Variants in TRIM45 observed in about 807,000 individuals in gnomAD.
The protein encoded by TRIM45 is tripartite motif containing 45.
A neutral mutation model predicts 46.7 loss-of-function variants in TRIM45; 45 were observed. The observed-to-expected ratio is 0.96, with a 90% CI of 0.76 to 1.24. The LOEUF is 1.24. TRIM45 is among the 50% of genes most tolerant of loss of function. The pLI, the probability that TRIM45 is intolerant of heterozygous loss-of-function variation, is 0.00. For synonymous variants in TRIM45, 259 were observed against 285.8 expected, an observed-to-expected ratio of 0.91 and a Z score of 0.94; for missense variants, 680 against 728.4, an observed-to-expected ratio of 0.93 and a Z score of 0.77.
At position 117,112,457 on chromosome 1, in the gene TRIM45, C is replaced by T. The variant is rs1650254948; in HGVS notation, c.1595-4G>A. On this transcript the variant is annotated splice_region_variant and splice_polypyrimidine_tract_variant and intron_variant, in intron 5 of 5. Coordinates refer to ENST00000256649, the MANE Select transcript of TRIM45 (RefSeq NM_025188.4). ...TGGCCACAGCCTAGGTACCCACCTACATGGGACAAAGAGGAAAGGACAAAA... is the reference window on the plus strand; with the variant it reads ...TGGCCACAGCCTAGGTACCCACCTATATGGGACAAAGAGGAAAGGACAAAA... 1 of 1,607,066 alleles carries T rather than the reference C, an allele frequency of 6.2e-7. No individual in the cohort carries two copies. Among genetic ancestry groups the T allele is most frequent in the Non-Finnish European group, 8.5e-7 (1 of 1,177,214 alleles).
intron 1 of TRIM45, among the ~76,000 whole-genome samples, chr1:117,119,471 G>A (rs1329435984): frequency 6.6e-6 from 1 of 152,226 alleles, no homozygotes; most frequent in Non-Finnish European, 1.5e-5. Context: ...GCCAGGCGTG[G>A]TGGCATGTGC....
Position 117,118,259 on chromosome 1 carries a change from G to A in TRIM45, c.997C>T (p.His333Tyr). The A allele has an allele frequency of 1.2e-6, 2 of 1,614,160 alleles. No individual in the cohort carries two copies. Among genetic ancestry groups the A allele is most frequent in the Non-Finnish European group, 1.7e-6 (2 of 1,180,022 alleles). The change falls in exon 2 of 6, where the codon CAC becomes TAC. Residue 333 changes from histidine to tyrosine, a missense_variant. Coordinates refer to ENST00000256649, the MANE Select transcript of TRIM45 (RefSeq NM_025188.4). The surrounding 1 kb of genome is among the most constrained non-coding windows in gnomAD (Gnocchi z 5.7). ...DMRTGVEFTE[H>Y]LLTSGSDLEI... ...AAGTCTGAGCCGCTGGTCAGCAAGT[G>A]CTCGGTGAACTCCACTCCAGTCCGC...
chr1:117,114,515 G>A (rs374394376), intron 4 of TRIM45, among the ~76,000 whole-genome samples: 56 of 152,182 alleles, frequency 3.7e-4, no homozygotes, highest in African/African-American at 1.3e-3. Context: ...GAGCCACATT[G>A]TTTGCGAAAA....
intron 4 of TRIM45, among the ~76,000 whole-genome samples, chr1:117,114,934 G>A (rs1170317985): frequency 2.0e-5 from 3 of 152,146 alleles, no homozygotes; most frequent in African/African-American, 7.2e-5. Flanking sequence ...AATGTCAGCA[G>A]AGAGATTCTG....
upstream of TRIM45, chr1:117,122,037 C>T (rs746502020): frequency 1.9e-5 from 10 of 528,916 alleles, no homozygotes; most frequent in Non-Finnish European, 2.7e-5. Context: ...AGGGACTGTC[C>T]CTCTCTCTGT....
chr1:117,122,285 C>G (rs1183780932), upstream of TRIM45: 1 of 156,542 alleles, frequency 6.4e-6, no homozygotes, highest in Non-Finnish European at 1.4e-5. Context: ...GCGAGGCTCC[C>G]CTCTGTCCTC....
At chr1:117,123,241 AAAATCGGCATTCGCCTCT>A (rs1650731166), upstream of TRIM45, among the ~76,000 whole-genome samples, 2 of 152,176 alleles carry the variant, frequency 1.3e-5, no homozygotes, top group Non-Finnish European at 2.9e-5. Context: ...ATCTACTCTC[AAAATCGGCATTCGCCTCT>A]CCAGTAGGCT....
chr1:117,116,571 T>G lies in TRIM45; in HGVS notation c.1352+45A>C, dbSNP rs1474865916. The G allele has an allele frequency of 6.2e-7, 1 of 1,604,952 alleles. No individual in the cohort carries two copies. The highest frequency in any genetic ancestry group is 2.2e-5 in the East Asian group (1 of 44,602). On this transcript the variant is annotated intron_variant, in intron 3 of 5. Coordinates refer to ENST00000256649, the MANE Select transcript of TRIM45 (RefSeq NM_025188.4). This position sits in a 1 kb window ranked among gnomAD's most constrained non-coding sequence, Gnocchi z 4.6. The stretch of plus-strand genomic sequence containing the variant: ...CTTAAAGGACCTCATGTTTCCAGTT[T>G]TCTCACTGCCTGTTATCCATGACAC...
At position 117,117,200 on chromosome 1, in the gene TRIM45, G is replaced by T. The variant is rs914607872; in HGVS notation, c.1223-455C>A. ...ACTTGGTAGCTCATGCCAAGGTACT[G>T]GGGGGATATCCAGTAGCTACAGCCC... On this transcript the variant is annotated intron_variant, in intron 2 of 5. Transcript: ENST00000256649. The surrounding 1 kb of genome is among the most constrained non-coding windows in gnomAD (Gnocchi z 4.9). Among the ~76,000 whole-genome samples the T allele has an allele frequency of 6.6e-6, 1 of 152,132 alleles. No homozygotes were observed. Among genetic ancestry groups the T allele is most frequent in the Non-Finnish European group, 1.5e-5 (1 of 68,012 alleles).
rs2101330498 is a variant in TRIM45, at chr1:117,113,343, A to G, written c.1594+16T>C. 1 of 1,611,614 alleles carries G rather than the reference A, an allele frequency of 6.2e-7. No individual in the cohort carries two copies. Among genetic ancestry groups the G allele is most frequent in the Non-Finnish European group, 8.5e-7 (1 of 1,179,642 alleles). ...CTGCTGGCAGAAAGGCCCAGAGGGT[A>G]GTGCTTTCTCCTTACCTGGCATGGT... On this transcript the variant is annotated intron_variant, in intron 5 of 5. Coordinates refer to ENST00000256649, the MANE Select transcript of TRIM45 (RefSeq NM_025188.4). The surrounding 1 kb of genome is among the most constrained non-coding windows in gnomAD (Gnocchi z 4.0).
rs144230559 is a variant in TRIM45 at position 117,113,386 on chromosome 1, G to A, written c.1567C>T (p.Arg523Cys). The change falls in exon 5 of 6, where the codon CGC becomes TGC. Residue 523 changes from arginine (R) to cysteine (C), a missense_variant. Arg to Cys is a radical substitution (Grantham distance 180). Coordinates refer to ENST00000256649, the MANE Select transcript of TRIM45 (RefSeq NM_025188.4). This position sits in a 1 kb window ranked among gnomAD's most constrained non-coding sequence, Gnocchi z 4.0. ...GGCATGGTGCCTCCACAGGCGCAGC[G>A]AGCGGTTTTCTGGCCCCCGCTGGAG... ...FCSSGGQKTA[R>C]CACGGTMPGG... 2.4e-5 allele frequency: 39 copies of A among 1,612,122 alleles called. No homozygotes were observed. The Admixed American group carries it at 2.7e-4, about 11-fold the overall frequency.
Position 117,117,123 on chromosome 1 carries a change from G to C in TRIM45, c.1223-378C>G, listed in dbSNP as rs1650431579. 6.6e-6 allele frequency among the ~76,000 whole-genome samples: 1 copy of C among 152,186 alleles called. No homozygotes were observed. Among genetic ancestry groups the C allele is most frequent in the Non-Finnish European group, 1.5e-5 (1 of 68,038 alleles). ...GCTCCAGATCCTGCTGGGCTAGGCA[G>C]GGAGTACAGCTGACCAGCCTCACGA... On this transcript the variant is annotated intron_variant, in intron 2 of 5. Coordinates refer to ENST00000256649, the MANE Select transcript of TRIM45 (RefSeq NM_025188.4). The surrounding 1 kb of genome is among the most constrained non-coding windows in gnomAD (Gnocchi z 4.9).
Position 117,112,340 on chromosome 1 carries a change from C to T in TRIM45, c.1708G>A (p.Ala570Thr), listed in dbSNP as rs550249228. The T allele has an allele frequency of 2.7e-5, 44 of 1,612,842 alleles. No homozygotes were observed. Among genetic ancestry groups the T allele is most frequent in the East Asian group, 8.9e-5 (4 of 44,842 alleles). The change falls in exon 6 of 6, where the codon GCA (alanine) becomes ACA (threonine). Residue 570 changes from alanine (A) to threonine (T), a missense_variant. This residue lies in a region of TRIM45 where 322 missense variants were observed against 359.3 expected (regional missense o/e 0.90). Coordinates refer to ENST00000256649, the MANE Select transcript of TRIM45 (RefSeq NM_025188.4). ...ACAGTCCTAAGTAGACTCCTCGGTG[C>T]GCTCTGCCCACCTGTCCATGTGCAT... ...SECTWTGGQS[A>T]PRSLLRTVAL
Position 117,112,258 on chromosome 1 carries a change from T to C in TRIM45, c.*47A>G. ...AACGAAGGTCTGGGTCCTCTGGAAA[T>C]CTCAAGTGGTGCTGCCTGCAGCTTT... On this transcript the variant is annotated 3_prime_UTR_variant, in exon 6 of 6. Transcript: ENST00000256649. 6.8e-7 allele frequency: 1 copy of C among 1,467,340 alleles called. No individual in the cohort carries two copies. The highest frequency in any genetic ancestry group is 9.0e-7 in the Non-Finnish European group (1 of 1,105,432). The allele number at this position is 1,467,340 out of a possible 1,614,324, so 90.9% of individuals were successfully genotyped here. A position where few individuals can be genotyped will look rare whatever the true frequency, so the allele number is the denominator to read the frequency against.
At position 117,112,460 on chromosome 1, in the gene TRIM45, G is replaced by C. The variant is rs1364251068; in HGVS notation, c.1595-7C>G. On this transcript the variant is annotated splice_region_variant and splice_polypyrimidine_tract_variant and intron_variant, in intron 5 of 5. Transcript: ENST00000256649. Reference sequence around the variant, plus strand: ...CCACAGCCTAGGTACCCACCTACATGGGACAAAGAGGAAAGGACAAAAATC... The same window carrying C: ...CCACAGCCTAGGTACCCACCTACATCGGACAAAGAGGAAAGGACAAAAATC... 17 of 1,600,732 alleles carry C rather than the reference G, an allele frequency of 1.1e-5. No individual in the cohort carries two copies. The highest frequency in any genetic ancestry group is 1.4e-5 in the Non-Finnish European group (17 of 1,174,646).
In TRIM45 at chr1:117,117,991, C is replaced by A; in HGVS notation, c.1222+43G>T. ...CCACCAATCTTCACACACCACCTCCCTGTCCACTGCCCTCTCAATGTCAAT... is the reference window on the plus strand; with the variant it reads ...CCACCAATCTTCACACACCACCTCCATGTCCACTGCCCTCTCAATGTCAAT... On this transcript the variant is annotated intron_variant, in intron 2 of 5. Coordinates refer to ENST00000256649, the MANE Select transcript of TRIM45 (RefSeq NM_025188.4). The surrounding 1 kb of genome is among the most constrained non-coding windows in gnomAD (Gnocchi z 4.9). 1 of 1,582,556 alleles carries A rather than the reference C, an allele frequency of 6.3e-7. No individual in the cohort carries two copies. Among genetic ancestry groups the A allele is most frequent in the Non-Finnish European group, 8.6e-7 (1 of 1,164,420 alleles).
intron 4 of TRIM45, among the ~76,000 whole-genome samples, chr1:117,114,285 C>G (rs1650321422): frequency 6.6e-6 from 1 of 152,198 alleles, no homozygotes; most frequent in African/African-American, 2.4e-5. Flanking sequence ...CTTTCGTTCT[C>G]TAATTTATAT....
chr1:117,114,654 A>G (rs1352631981), intron 4 of TRIM45, among the ~76,000 whole-genome samples: 1 of 152,200 alleles, frequency 6.6e-6, no homozygotes, highest in Non-Finnish European at 1.5e-5. Context: ...ATTTTGCTAC[A>G]TTTGCTGTGT....
chr1:117,116,078 C>T lies in TRIM45; in HGVS notation c.1353-389G>A, dbSNP rs1650386774. 6.6e-6 allele frequency among the ~76,000 whole-genome samples: 1 copy of T among 152,172 alleles called. No individual in the cohort carries two copies. Among genetic ancestry groups the T allele is most frequent in the Non-Finnish European group, 1.5e-5 (1 of 68,034 alleles). On this transcript the variant is annotated intron_variant, in intron 3 of 5. Transcript: ENST00000256649. This position sits in a 1 kb window ranked among gnomAD's most constrained non-coding sequence, Gnocchi z 4.6. Reference sequence around the variant, plus strand: ...CAGTCTAACACAGAATATTTTTCAACTTATTCTAAAGCTTGAGATGAAAAC... The same window carrying T: ...CAGTCTAACACAGAATATTTTTCAATTTATTCTAAAGCTTGAGATGAAAAC...
Sources: gnomAD v4.1 joint callset for allele counts (sites outside exome capture counted in the v4.1 genomes callset) on GRCh38, gnomAD v4.1.1 for gene constraint, gnomAD v4.1.1 regional missense constraint, Gnocchi (gnomAD v3.1) non-coding constraint, MANE v1.5 for transcripts, NCBI Gene and HGNC (gene_info 2026-07-23, HGNC 2026-07-21) for gene names.